Variants in PARD3 observed in about 807,000 individuals in gnomAD.
PARD3 encodes par-3 family cell polarity regulator, also known as partitioning defective 3 homolog.
In PARD3, 75 loss-of-function variants were observed where a neutral mutation model predicts 155.4. That is an observed-to-expected ratio of 0.48 (90% CI 0.40 to 0.58). The LOEUF (loss-of-function observed/expected upper bound fraction) is 0.58, where lower values mean the gene tolerates loss of function less well. PARD3 is among the 20% of genes least tolerant of loss of function. PARD3 has a pLI of 0.00. For synonymous variants in PARD3, 576 were observed against 610.5 expected, an observed-to-expected ratio of 0.94 and a Z score of 0.83; for missense variants, 1,642 against 1,721.7, an observed-to-expected ratio of 0.95 and a Z score of 0.82.
intron 19 of PARD3, among the ~76,000 whole-genome samples, chr10:34,326,707 A>G (rs1163603640): frequency 6.6e-6 from 1 of 152,220 alleles, no homozygotes; most frequent in African/African-American, 2.4e-5. Flanking sequence ...AGAAGCTCTC[A>G]TATTAGTTGA....
intron 20 of PARD3, chr10:34,312,302 C>T: frequency 1.2e-6 from 2 of 1,605,770 alleles, no homozygotes; most frequent in Non-Finnish European, 1.7e-6. Context: ...AAAAAAACAA[C>T]AACTGTGCAA....
chr10:34,599,775 G>C (rs2089605370), intron 2 of PARD3, among the ~76,000 whole-genome samples: 1 of 152,228 alleles, frequency 6.6e-6, no homozygotes, highest in Non-Finnish European at 1.5e-5. Context: ...CTACAAGACA[G>C]CAATGCCCTT....
At chr10:34,323,954 G>A (rs78974204) in intron 19 of PARD3, among the ~76,000 whole-genome samples, 1,769 of 152,314 alleles carry the variant, frequency 0.012, 14 homozygotes, top group Non-Finnish European at 0.017. Context: ...AATTCTGACC[G>A]AAAGGGCTGG....
At chr10:34,416,404 C>G (rs1358925089) in intron 5 of PARD3, among the ~76,000 whole-genome samples, 1 of 152,122 alleles carries the variant, frequency 6.6e-6, no homozygotes, top group Non-Finnish European at 1.5e-5. Context: ...GGGGACTTTG[C>G]AGAGAACATC....
At chr10:34,578,470 T>C (rs1293085914) in intron 2 of PARD3, among the ~76,000 whole-genome samples, 1 of 152,190 alleles carries the variant, frequency 6.6e-6, no homozygotes, top group Non-Finnish European at 1.5e-5. Context: ...AGCAACAGAA[T>C]TGTCAAAGAA....
chr10:34,528,142 G>C (rs537814937), intron 2 of PARD3, among the ~76,000 whole-genome samples: 3 of 152,254 alleles, frequency 2.0e-5, no homozygotes, highest in East Asian at 1.9e-4. Context: ...GAAATAACTT[G>C]CAAGTTAAAT....
chr10:34,489,397 T>C (rs2079723764), intron 3 of PARD3, among the ~76,000 whole-genome samples: 1 of 152,210 alleles, frequency 6.6e-6, no homozygotes. Flanking sequence ...GATCGGATGC[T>C]GCCGGAAGTT....
intron 22 of PARD3, among the ~76,000 whole-genome samples, chr10:34,152,532 G>A (rs1948825875): frequency 6.6e-6 from 1 of 152,230 alleles, no homozygotes; most frequent in East Asian, 1.9e-4. Context: ...ACTGTGATAT[G>A]TGCAGTCTGT....
chr10:34,196,596 C>CG (rs1950950251), intron 22 of PARD3, among the ~76,000 whole-genome samples: 1 of 108,868 alleles, frequency 9.2e-6, no homozygotes, highest in Admixed American at 1.3e-4. Flanking sequence ...TTTTTTGAGA[C>CG]GGAGTCTCGC....
intron 1 of PARD3, among the ~76,000 whole-genome samples, chr10:34,798,636 C>A (rs1210606897): frequency 6.8e-6 from 1 of 147,486 alleles, no homozygotes; most frequent in East Asian, 2.0e-4. Flanking sequence ...ACCCGGGAGG[C>A]AGAGGTTGCA....
At chr10:34,351,532 G>A (rs1838079963) in intron 14 of PARD3, among the ~76,000 whole-genome samples, 1 of 152,204 alleles carries the variant, frequency 6.6e-6, no homozygotes, top group South Asian at 2.1e-4. Flanking sequence ...TTTAGTTTTG[G>A]AGGAGAGTGA....
At chr10:34,339,571 T>G (rs745722913) in intron 16 of PARD3, among the ~76,000 whole-genome samples, 2 of 152,196 alleles carry the variant, frequency 1.3e-5, no homozygotes, top group Non-Finnish European at 2.9e-5. Context: ...ACCATTAAGA[T>G]TAGAATTTTG....
At chr10:34,733,586 C>T (rs903203308) in intron 1 of PARD3, among the ~76,000 whole-genome samples, 2 of 152,210 alleles carry the variant, frequency 1.3e-5, no homozygotes, top group Non-Finnish European at 2.9e-5. Context: ...CGGGCTCAAG[C>T]AATTCTCCTG....
At chr10:34,622,649 A>G (rs2132723239) in intron 2 of PARD3, among the ~76,000 whole-genome samples, 1 of 152,282 alleles carries the variant, frequency 6.6e-6, no homozygotes, top group African/African-American at 2.4e-5. Flanking sequence ...TTACGGTTGA[A>G]TGAATTTCTT....
At chr10:34,205,707 A>G (rs1021218865) in intron 22 of PARD3, among the ~76,000 whole-genome samples, 1 of 152,190 alleles carries the variant, frequency 6.6e-6, no homozygotes, top group African/African-American at 2.4e-5. Context: ...CTGGGCCTGA[A>G]GATGGGCAGG....
intron 22 of PARD3, among the ~76,000 whole-genome samples, chr10:34,194,277 C>G (rs576859932): frequency 6.6e-6 from 1 of 152,242 alleles, no homozygotes; most frequent in South Asian, 2.1e-4. Context: ...CCTTGAGAAA[C>G]AGTTGAAAAG....
At chr10:34,793,747 T>C (rs115831774) in intron 1 of PARD3, among the ~76,000 whole-genome samples, 3,274 of 151,264 alleles carry the variant, frequency 0.022, 118 homozygotes, top group African/African-American at 0.076. Context: ...GACTGCGCCA[T>C]TGCCTGGGCA....
chr10:34,175,617 A>T (rs1949998081), intron 22 of PARD3, among the ~76,000 whole-genome samples: 3 of 152,204 alleles, frequency 2.0e-5, no homozygotes, highest in Admixed American at 2.0e-4. Context: ...AAGCAATGGG[A>T]TATTTTATTT....
intron 1 of PARD3, among the ~76,000 whole-genome samples, chr10:34,727,478 G>C (rs1426593868): frequency 6.6e-6 from 1 of 152,128 alleles, no homozygotes; most frequent in Non-Finnish European, 1.5e-5. Flanking sequence ...GCTGACACCT[G>C]CAAGCACAAA....
Sources: gnomAD v4.1 joint callset for allele counts (sites outside exome capture counted in the v4.1 genomes callset) on GRCh38, gnomAD v4.1.1 for gene constraint, MANE v1.5 for transcripts, NCBI Gene and HGNC (gene_info 2026-07-23, HGNC 2026-07-21) for gene names.